NPM2: variants seen among roughly 807,000 people sequenced by gnomAD.
NPM2 encodes the protein nucleoplasmin-2.
NPM2 carries 25 observed loss-of-function variants against 32.0 expected under a neutral mutation model. The ratio of observed to expected loss-of-function variants is 0.78; its 90% CI spans 0.57 to 1.09. The LOEUF (loss-of-function observed/expected upper bound fraction) is 1.09, where lower values mean the gene tolerates loss of function less well. Among genes scored for constraint, NPM2 ranks in the 50% least tolerant of loss-of-function variants. The pLI is 0.00. For synonymous variants in NPM2, 111 were observed against 94.2 expected (o/e 1.18, Z -1.04); for missense variants, 282 against 259.9 (o/e 1.08, Z -0.58).
intron 7 of NPM2, 77 bp from the exon 8 acceptor site, chr8:22,034,433 C>G (rs917935839): frequency 2.8e-6 from 4 of 1,415,968 alleles, no homozygotes; most frequent in African/African-American, 2.8e-5. Context: ...TCAGCGGGGA[C>G]CTTGTGGACT....
chr8:22,025,371 C>G, intron 3 of NPM2, 65 bp downstream of exon 3: 1 of 1,601,420 alleles, frequency 6.2e-7, no homozygotes, highest in South Asian at 1.1e-5. Context: ...CAGCTTGGGG[C>G]GCAGGTGAGC....
chr8:22,029,524 C>T (rs1343629295), intron 5 of NPM2, among the ~76,000 whole-genome samples: 1 of 152,214 alleles, frequency 6.6e-6, no homozygotes, highest in East Asian at 1.9e-4. Context: ...CTACTCATTA[C>T]TAGTACTATT....
In NPM2 at chr8:22,036,499, C is replaced by T. The variant is rs199619291; in HGVS notation, c.573C>T (p.Ser191=). ...LEKEEEEIRA[S]VRDKSPVKKA... ...CCGCTCCACCCTGTTGCAGAGCCAGCGTTAGAGACAAGAGCCCTGTGAAAA... is the reference window on the plus strand; with the variant it reads ...CCGCTCCACCCTGTTGCAGAGCCAGTGTTAGAGACAAGAGCCCTGTGAAAA... The change falls in exon 9 of 10, where the codon AGC becomes AGT. Residue 191 remains serine (S), a synonymous_variant. Coordinates refer to ENST00000518119, the MANE Select transcript of NPM2 (RefSeq NM_001286680.2). The T allele has an allele frequency of 6.7e-5, 108 of 1,604,782 alleles. No individual in the cohort carries two copies. Among genetic ancestry groups the T allele is most frequent in the Middle Eastern group, 1.7e-4 (1 of 6,052 alleles).
chr8:22,031,686 T>G (rs1311515889), intron 5 of NPM2, among the ~76,000 whole-genome samples: 2 of 152,180 alleles, frequency 1.3e-5, no homozygotes, highest in African/African-American at 4.8e-5. Flanking sequence ...CCTCAAGTTA[T>G]CCGCCTGCCT....
At chr8:22,034,662 C>T (rs937434269) in intron 8 of NPM2, 118 bp downstream of exon 8, 1 of 781,818 alleles carries the variant, frequency 1.3e-6, no homozygotes, top group Non-Finnish European at 2.1e-6. Flanking sequence ...TGTCTACCTG[C>T]ACTCGCAGGC....
rs560532251 is a variant in NPM2, at chr8:22,029,185, G to A, written c.270+3413G>A. ...AAATGGAGTCTCACTTTGTTTCCCAGGCTAGAGTGCAGTGGTGCAATCTTG... is the reference window on the plus strand; with the variant it reads ...AAATGGAGTCTCACTTTGTTTCCCAAGCTAGAGTGCAGTGGTGCAATCTTG... On this transcript the variant is annotated intron_variant, in intron 5 of 9. Coordinates refer to ENST00000518119, the MANE Select transcript of NPM2 (RefSeq NM_001286680.2). Among the ~76,000 whole-genome samples, 10 of 152,002 alleles carry A rather than the reference G, an allele frequency of 6.6e-5. No individual in the cohort carries two copies. The East Asian group carries it at 1.7e-3, about 26-fold the overall frequency.
chr8:22,025,091 C>G, intron 2 of NPM2, 125 bp from the exon 3 acceptor site: 1 of 721,648 alleles, frequency 1.4e-6, no homozygotes, highest in Non-Finnish European at 2.2e-6. Flanking sequence ...AGCCCTTGAC[C>G]GTGGCAGGTC....
chr8:22,034,281 G>T lies in NPM2; in HGVS notation c.531+6G>T. 1 of 1,579,918 alleles carries T rather than the reference G, an allele frequency of 6.3e-7. No homozygotes were observed. Among genetic ancestry groups the T allele is most frequent in the Non-Finnish European group, 8.6e-7 (1 of 1,163,502 alleles). On this transcript the variant is annotated splice_donor_region_variant and intron_variant, in intron 7 of 9. Coordinates refer to ENST00000518119, the MANE Select transcript of NPM2 (RefSeq NM_001286680.2). ...AGCAGGCGAGCGTGGCTAAGGTGGG[G>T]GAAGGAGCGTGGCTGTTTGGAAGGA...
rs142602750 is a variant in NPM2 at position 22,033,447 on chromosome 8, C to T, written c.364+224C>T. On this transcript the variant is annotated intron_variant, in intron 6 of 9. Transcript: ENST00000518119. Reference sequence around the variant, plus strand: ...TAGGCTGCAGCCCCTCACTTGTAAACTTCAAAGAGCAGTTGTGAAGAATAA... The same window carrying T: ...TAGGCTGCAGCCCCTCACTTGTAAATTTCAAAGAGCAGTTGTGAAGAATAA... 1.2e-4 allele frequency among the ~76,000 whole-genome samples: 18 copies of T among 152,326 alleles called. No individual in the cohort carries two copies. The East Asian group carries it at 3.3e-3, about 28-fold the overall frequency.
chr8:22,025,374 A>C, intron 3 of NPM2, 62 bp from the exon 4 acceptor site: 2 of 1,602,210 alleles, frequency 1.2e-6, no homozygotes, highest in Non-Finnish European at 1.7e-6. Context: ...CTTGGGGCGC[A>C]GGTGAGCCCC....
chr8:22,033,509 A>C (rs1336705150), intron 6 of NPM2, among the ~76,000 whole-genome samples: 2 of 152,212 alleles, frequency 1.3e-5, no homozygotes, highest in Non-Finnish European at 2.9e-5. Context: ...CGTAATACCC[A>C]GCACTAGGGA....
At position 22,033,212 on chromosome 8, in the gene NPM2, A is replaced by G. The variant is rs765448541; in HGVS notation, c.353A>G (p.Gln118Arg). ...AGSGPVFLSGQERYEASDLTW... is the reference protein window; with the variant it reads ...AGSGPVFLSGRERYEASDLTW... ...TCAGGACCCGTGTTCCTCAGTGGCCAGGAACGTTATGGTAAGTCAGAGCCT... is the reference window on the plus strand; with the variant it reads ...TCAGGACCCGTGTTCCTCAGTGGCCGGGAACGTTATGGTAAGTCAGAGCCT... The change falls in exon 6 of 10, where the codon CAG becomes CGG. Residue 118 changes from glutamine to arginine, a missense_variant. By Grantham distance (43) the Gln-to-Arg change is conservative (BLOSUM62 1). Coordinates refer to ENST00000518119, the MANE Select transcript of NPM2 (RefSeq NM_001286680.2). The G allele has an allele frequency of 5.0e-6, 8 of 1,613,942 alleles. No individual in the cohort carries two copies. The Admixed American group carries it at 1.3e-4, about 27-fold the overall frequency.
At chr8:22,035,603 TA>T (rs1349300283) in intron 8 of NPM2, among the ~76,000 whole-genome samples, 2 of 152,210 alleles carry the variant, frequency 1.3e-5, no homozygotes, top group Non-Finnish European at 2.9e-5. Context: ...CAGCAGGACA[TA>T]AAGTCATTTT....
intron 5 of NPM2, 54 bp from the exon 6 acceptor site, chr8:22,033,076 C>G (rs1168578779): frequency 3.3e-5 from 45 of 1,354,782 alleles, no homozygotes; most frequent in Non-Finnish European, 4.3e-5. Context: ...AGGCTAGTCC[C>G]CGAGAGGTGC....
intron 5 of NPM2, among the ~76,000 whole-genome samples, chr8:22,031,473 T>C (rs1800437214): frequency 6.6e-6 from 1 of 152,226 alleles, no homozygotes; most frequent in Non-Finnish European, 1.5e-5. Flanking sequence ...TTAAAGACAG[T>C]CTTGTTCTGT....
chr8:22,033,046 C>A, intron 5 of NPM2, 84 bp from the exon 6 acceptor site: 1 of 981,004 alleles, frequency 1.0e-6, no homozygotes, highest in Non-Finnish European at 1.7e-6. Context: ...GGAGGGAAAT[C>A]AACTCAGTAT....
intron 5 of NPM2, among the ~76,000 whole-genome samples, chr8:22,026,363 T>TAC (rs1251370283): frequency 6.6e-6 from 1 of 152,148 alleles, no homozygotes; most frequent in Non-Finnish European, 1.5e-5. Context: ...ATGGTCGATC[T>TAC]ACATATTGGT....
chr8:22,035,313 AC>A (rs1800583936), intron 8 of NPM2, among the ~76,000 whole-genome samples: 1 of 152,174 alleles, frequency 6.6e-6, no homozygotes, highest in South Asian at 2.1e-4. Flanking sequence ...TTGCTCTGCC[AC>A]CCAGGCTGGA....
At position 22,036,723 on chromosome 8, in the gene NPM2, C is replaced by T; in HGVS notation, c.*41C>T. ...GGGGCACGGTGCAAAGTGGGCCTTC[C>T]CTGGGCTGTGCTGCAGGCACAGGGT... On this transcript the variant is annotated 3_prime_UTR_variant, in exon 10 of 10. Coordinates refer to ENST00000518119, the MANE Select transcript of NPM2 (RefSeq NM_001286680.2). 1 of 1,526,306 alleles carries T rather than the reference C, an allele frequency of 6.6e-7. No homozygotes were observed. Among genetic ancestry groups the T allele is most frequent in the Non-Finnish European group, 8.8e-7 (1 of 1,138,288 alleles). The allele number at this position is 1,526,306 out of a possible 1,614,324, so 94.5% of individuals were successfully genotyped here.
Sources: gnomAD v4.1 joint callset for allele counts (sites outside exome capture counted in the v4.1 genomes callset) on GRCh38, gnomAD v4.1.1 for gene constraint, MANE v1.5 for transcripts, NCBI Gene and HGNC (gene_info 2026-07-23, HGNC 2026-07-21) for gene names.